Variants in AXDND1 observed in about 807,000 individuals in gnomAD.
AXDND1 encodes the protein axonemal dynein light chain domain-containing protein 1.
A neutral mutation model predicts 137.5 loss-of-function variants in AXDND1; 110 were observed. The ratio of observed to expected loss-of-function variants is 0.80; its 90% confidence interval spans 0.69 to 0.94. The LOEUF (loss-of-function observed/expected upper bound fraction) is 0.94, where lower values mean the gene tolerates loss of function less well. AXDND1 is among the 40% of genes least tolerant of loss of function. The probability of loss-of-function intolerance (pLI) is 0.00; values close to 1 mark genes in which losing one functional copy is unlikely to be tolerated. For synonymous variants in AXDND1, 414 were observed against 399.7 expected (o/e 1.04, Z -0.43); for missense variants, 1,191 against 1,169.8 (o/e 1.02, Z -0.26).
rs6425573 is a variant in AXDND1 at position 179,534,902 on chromosome 1, G to A, written c.2971G>A (p.Glu991Lys). The A allele has an allele frequency of 1.2e-5, 18 of 1,494,888 alleles. No homozygotes were observed. In the South Asian group the frequency reaches 2.2e-4, roughly 18 times the overall value. 92.6% of individuals were successfully genotyped at this position (1,494,888 alleles called of 1,614,324 possible). ...TGAAAGAGAAGTAAAAGAAGAAGAA[G>A]AACAACAAGAAGAAGAAGAAGTCAG... is the stretch of plus-strand genomic sequence containing the variant. ...QDEREVKEEEEQQEEEEVRSA... is the reference protein window; with the variant it reads ...QDEREVKEEEKQQEEEEVRSA... The change falls in exon 25 of 26, where the codon GAA (glutamate) becomes AAA (lysine). Residue 991 changes from glutamate (E) to lysine (K), a missense_variant. By Grantham distance (56) the Glu-to-Lys change is moderately conservative. Coordinates refer to ENST00000367618, the MANE Select transcript of AXDND1 (RefSeq NM_144696.6).
intron 23 of AXDND1, among the ~76,000 whole-genome samples, chr1:179,530,280 C>A (rs915948663): frequency 2.0e-5 from 3 of 152,168 alleles, no homozygotes; most frequent in African/African-American, 7.2e-5. Flanking sequence ...CCGCCTGCTT[C>A]GGCCTCCCAA....
chr1:179,542,202 T>C (rs1288582830), intron 25 of AXDND1, among the ~76,000 whole-genome samples: 1 of 152,206 alleles, frequency 6.6e-6, no homozygotes, highest in Non-Finnish European at 1.5e-5. Flanking sequence ...CAGTTCTCAA[T>C]ATTTCTAATA....
intron 11 of AXDND1, among the ~76,000 whole-genome samples, chr1:179,398,740 G>A (rs1651467990): frequency 6.6e-6 from 1 of 152,044 alleles, no homozygotes; most frequent in Non-Finnish European, 1.5e-5. Context: ...AGAGTCCACT[G>A]TTCTCTGAGC....
At chr1:179,552,887 T>C (rs1673529901) in intron 25 of AXDND1, among the ~76,000 whole-genome samples, 1 of 152,250 alleles carries the variant, frequency 6.6e-6, no homozygotes, top group South Asian at 2.1e-4. Context: ...GTATTATTGC[T>C]GATGCTACAG....
chr1:179,396,267 C>T (rs1651045938), intron 11 of AXDND1, among the ~76,000 whole-genome samples: 1 of 151,826 alleles, frequency 6.6e-6, no homozygotes, highest in South Asian at 2.1e-4. Context: ...TCTGCTTCTT[C>T]CCTCCCCAGA....
intron 11 of AXDND1, among the ~76,000 whole-genome samples, chr1:179,396,635 G>A (rs1163193164): frequency 6.7e-6 from 1 of 150,324 alleles, no homozygotes; most frequent in Non-Finnish European, 1.5e-5. Context: ...TAGCCTGGGC[G>A]ACAGAGCAAG....
intron 4 of AXDND1, among the ~76,000 whole-genome samples, chr1:179,374,137 A>G (rs1319544586): frequency 6.6e-6 from 1 of 152,186 alleles, no homozygotes; most frequent in Non-Finnish European, 1.5e-5. Flanking sequence ...TACAAGAAAA[A>G]AACAACCCCT....
At chr1:179,384,199 G>T (rs971000767) in intron 8 of AXDND1, among the ~76,000 whole-genome samples, 12 of 152,038 alleles carry the variant, frequency 7.9e-5, no homozygotes, top group African/African-American at 2.9e-4. Context: ...CCTTTACCCG[G>T]ATTCTCCATC....
intron 20 of AXDND1, chr1:179,506,760 A>G (rs1057382183): frequency 1.5e-5 from 9 of 601,948 alleles, no homozygotes; most frequent in Admixed American, 6.3e-5. Context: ...CCTCTATGCC[A>G]TTTGGTCTCA....
intron 23 of AXDND1, among the ~76,000 whole-genome samples, chr1:179,531,158 G>A (rs973548071): frequency 1.3e-5 from 2 of 152,090 alleles, no homozygotes; most frequent in African/African-American, 4.8e-5. Context: ...TGGAGTTTTG[G>A]TGTAACAGTC....
At chr1:179,415,467 T>A (rs1383114848) in intron 12 of AXDND1, among the ~76,000 whole-genome samples, 8 of 152,146 alleles carry the variant, frequency 5.3e-5, no homozygotes, top group Non-Finnish European at 1.0e-4. Context: ...TTAGAAGAAA[T>A]TACATGAGAA....
chr1:179,393,362 A>G (rs547613975), intron 9 of AXDND1, among the ~76,000 whole-genome samples: 4 of 152,190 alleles, frequency 2.6e-5, no homozygotes, highest in Non-Finnish European at 4.4e-5. Context: ...CTGTTTTGGT[A>G]ACTATAGCCT....
At chr1:179,408,101 G>A (rs12746452) in intron 11 of AXDND1, among the ~76,000 whole-genome samples, 44,619 of 151,818 alleles carry the variant, frequency 0.29, 6,767 homozygotes, top group Non-Finnish European at 0.31. Flanking sequence ...TTCAGTTCCA[G>A]GGTTTTTGTT....
At chr1:179,470,997 T>A (rs917848959) in intron 17 of AXDND1, among the ~76,000 whole-genome samples, 1 of 152,194 alleles carries the variant, frequency 6.6e-6, no homozygotes, top group Non-Finnish European at 1.5e-5. Context: ...CTGTATCTAG[T>A]GAGATGATCA....
In AXDND1 at chr1:179,417,191, CTTT is replaced by C. The variant is rs141201555; in HGVS notation, c.1230+5936_1230+5938del. 3.9e-3 allele frequency among the ~76,000 whole-genome samples: 563 copies of C among 143,592 alleles called. 4 individuals carry two copies. Among genetic ancestry groups the C allele is most frequent in the African/African-American group, 0.013 (526 of 39,176 alleles). 94.2% of individuals were successfully genotyped at this position (143,592 alleles called of 152,430 possible). A position where few individuals can be genotyped will look rare whatever the true frequency, so the allele number is the denominator to read the frequency against. Reference sequence around the variant, plus strand: ...CCATTTTAAAATCAGACTATCTCCTCTTTTTTTTTTTTTGCTATTGAGTTGTTT... The same window carrying C: ...CCATTTTAAAATCAGACTATCTCCTCTTTTTTTTTTGCTATTGAGTTGTTT... On this transcript the variant is annotated intron_variant, in intron 12 of 25. Coordinates refer to ENST00000367618, the MANE Select transcript of AXDND1 (RefSeq NM_144696.6).
chr1:179,498,516 T>A (rs1477966579), intron 20 of AXDND1, among the ~76,000 whole-genome samples: 1 of 152,124 alleles, frequency 6.6e-6, no homozygotes, highest in African/African-American at 2.4e-5. Context: ...CTTCTTGACA[T>A]TGACCTTGGC....
intron 12 of AXDND1, among the ~76,000 whole-genome samples, chr1:179,426,543 G>A (rs1656595006): frequency 6.6e-6 from 1 of 152,166 alleles, no homozygotes; most frequent in Non-Finnish European, 1.5e-5. Flanking sequence ...GAGGCTAACA[G>A]TATTTTAAAT....
intron 4 of AXDND1, among the ~76,000 whole-genome samples, chr1:179,372,504 C>T (rs1391253895): frequency 6.6e-6 from 1 of 151,920 alleles, no homozygotes; most frequent in Non-Finnish European, 1.5e-5. Flanking sequence ...GGCTGAAGAA[C>T]GAGTTGGAGA....
intron 18 of AXDND1, among the ~76,000 whole-genome samples, chr1:179,484,933 G>T (rs571337097): frequency 6.6e-6 from 1 of 152,228 alleles, no homozygotes; most frequent in South Asian, 2.1e-4. Context: ...CCAGTGCCCC[G>T]CCACTGTGCC....
Sources: gnomAD v4.1 joint callset for allele counts (sites outside exome capture counted in the v4.1 genomes callset) on GRCh38, gnomAD v4.1.1 for gene constraint, MANE v1.5 for transcripts, NCBI Gene and HGNC (gene_info 2026-07-23, HGNC 2026-07-21) for gene names.